RSBN1L: variants seen among roughly 807,000 people sequenced by gnomAD.
RSBN1L encodes the protein round spermatid basic protein 1 like.
Under a neutral mutation model 67.7 loss-of-function variants are expected in RSBN1L, and 30 were observed. The ratio of observed to expected loss-of-function variants is 0.44; its 90% CI spans 0.33 to 0.60. The LOEUF (loss-of-function observed/expected upper bound fraction) is 0.60. RSBN1L is among the 20% of genes least tolerant of loss of function. The probability of loss-of-function intolerance (pLI) is 0.02; values close to 1 mark genes in which losing one functional copy is unlikely to be tolerated. For missense variants in RSBN1L, 992 were observed against 1,031.7 expected (o/e 0.96, Z 0.53); for synonymous variants, 433 against 387.0 (o/e 1.12, Z -1.39).
In RSBN1L at chr7:77,701,755, A is replaced by G. The variant is rs189216918; in HGVS notation, c.586+4700A>G. Among the ~76,000 whole-genome samples, 794 of 150,804 alleles carry G rather than the reference A, an allele frequency of 5.3e-3. 5 individuals are homozygous for G. The highest frequency in any genetic ancestry group is 0.019 in the African/African-American group (763 of 41,026). Reference sequence around the variant, plus strand: ...CAGTCTCTGCCTCCTGGGTTCAAGCAATTCTCCTGCCTCAGCCTCCCAAGT... The same window carrying G: ...CAGTCTCTGCCTCCTGGGTTCAAGCGATTCTCCTGCCTCAGCCTCCCAAGT... On this transcript the variant is annotated intron_variant, in intron 1 of 7. Coordinates refer to ENST00000334955, the MANE Select transcript of RSBN1L (RefSeq NM_198467.3).
At chr7:77,703,862 T>C (rs1377408683) in intron 1 of RSBN1L, among the ~76,000 whole-genome samples, 1 of 152,092 alleles carries the variant, frequency 6.6e-6, no homozygotes, top group Non-Finnish European at 1.5e-5. Flanking sequence ...CAATCATAGC[T>C]CAATGTAACC....
chr7:77,718,769 A>C (rs1330125323), intron 1 of RSBN1L, among the ~76,000 whole-genome samples: 1 of 152,204 alleles, frequency 6.6e-6, no homozygotes. Context: ...AACAATAACC[A>C]TTTTATTATA....
chr7:77,769,140 G>A (rs1047062113), intron 5 of RSBN1L, among the ~76,000 whole-genome samples: 3 of 152,170 alleles, frequency 2.0e-5, no homozygotes, highest in African/African-American at 7.2e-5. Flanking sequence ...CAAATGGAAA[G>A]CCCTGCTGTG....
At chr7:77,709,750 A>T (rs1440627023) in intron 1 of RSBN1L, among the ~76,000 whole-genome samples, 2 of 151,256 alleles carry the variant, frequency 1.3e-5, no homozygotes, top group African/African-American at 4.9e-5. Flanking sequence ...GGCCCTTTGT[A>T]CTCTTCTTTC....
chr7:77,715,585 A>G (rs1720578360), intron 1 of RSBN1L, among the ~76,000 whole-genome samples: 1 of 152,168 alleles, frequency 6.6e-6, no homozygotes. Flanking sequence ...CTAGAATTAC[A>G]GGCACGACAC....
chr7:77,703,178 C>T (rs1790841118), intron 1 of RSBN1L, among the ~76,000 whole-genome samples: 1 of 152,134 alleles, frequency 6.6e-6, no homozygotes, highest in South Asian at 2.1e-4. Flanking sequence ...GAGGGATACC[C>T]CTCATCTTGG....
At chr7:77,711,248 C>G (rs1316091300) in intron 1 of RSBN1L, among the ~76,000 whole-genome samples, 2 of 151,660 alleles carry the variant, frequency 1.3e-5, no homozygotes, top group Non-Finnish European at 2.9e-5. Context: ...ATCAGAATTG[C>G]CATTTTGTAT....
At chr7:77,700,978 G>T (rs1276032650) in intron 1 of RSBN1L, among the ~76,000 whole-genome samples, 1 of 152,004 alleles carries the variant, frequency 6.6e-6, no homozygotes, top group Non-Finnish European at 1.5e-5. Flanking sequence ...GCAACACGGT[G>T]AAACCCCATC....
At chr7:77,771,005 A>C (rs1791841351) in intron 5 of RSBN1L, among the ~76,000 whole-genome samples, 1 of 152,070 alleles carries the variant, frequency 6.6e-6, no homozygotes, top group Non-Finnish European at 1.5e-5. Context: ...GCAGTGGTGC[A>C]ATCTCGGCTC....
At chr7:77,765,147 A>G (rs762724585) in intron 3 of RSBN1L, among the ~76,000 whole-genome samples, 8 of 152,216 alleles carry the variant, frequency 5.3e-5, no homozygotes, top group African/African-American at 1.4e-4. Context: ...ATGCAGGTAC[A>G]CCAACTTTTG....
intron 2 of RSBN1L, among the ~76,000 whole-genome samples, chr7:77,740,985 C>CTTTTTTTTTTTTT (rs869081974): frequency 9.7e-6 from 1 of 102,924 alleles, no homozygotes; most frequent in Admixed American, 9.6e-5. Context: ...CTTTTCTTTT[C>CTTTTTTTTTTTTT]TTTTTTTTTT....
intron 4 of RSBN1L, 43 bp from the exon 5 acceptor site, chr7:77,768,618 C>T: frequency 2.6e-6 from 4 of 1,560,994 alleles, no homozygotes; most frequent in South Asian, 2.2e-5. Context: ...CTTGAAGATA[C>T]ATTTTGAAAA....
In RSBN1L at chr7:77,696,591, C is replaced by A. The variant is rs200094529; in HGVS notation, c.122C>A (p.Ser41Tyr). Residue 41 changes from serine (S) to tyrosine (Y), a missense_variant, in exon 1 of 8, where the codon TCC (serine) becomes TAC (tyrosine). Physicochemically the swap from Ser to Tyr is moderately radical, Grantham distance 144. Transcript: ENST00000334955. The part of the protein sequence containing the change: ...LSSRDPPGSL[S>Y]AKKVRTEEKK... ...TCCCGGGACCCTCCGGGTTCTCTGT[C>A]CGCCAAGAAGGTCCGGACTGAGGAG... The A allele has an allele frequency of 6.2e-7, 1 of 1,614,114 alleles. No homozygotes were observed. The highest frequency in any genetic ancestry group is 8.5e-7 in the Non-Finnish European group (1 of 1,179,992).
At chr7:77,728,479 A>G (rs2150418600) in intron 1 of RSBN1L, among the ~76,000 whole-genome samples, 2 of 152,268 alleles carry the variant, frequency 1.3e-5, no homozygotes, top group South Asian at 4.1e-4. Context: ...TACATTTTAA[A>G]AAGTCACGAG....
At chr7:77,773,364 A>G (rs183296368) in intron 6 of RSBN1L, 50 bp downstream of exon 6, 34 of 1,329,552 alleles carry the variant, frequency 2.6e-5, no homozygotes, top group Non-Finnish European at 3.1e-5. Flanking sequence ...GGCTTCTACA[A>G]TTTTTCTTGG....
intron 2 of RSBN1L, among the ~76,000 whole-genome samples, chr7:77,748,427 T>A (rs1791511806): frequency 6.6e-6 from 1 of 152,234 alleles, no homozygotes; most frequent in Non-Finnish European, 1.5e-5. Context: ...AACCAGAATT[T>A]AAGCAGTAAG....
intron 1 of RSBN1L, among the ~76,000 whole-genome samples, chr7:77,718,832 T>C (rs1234531390): frequency 6.6e-6 from 1 of 152,218 alleles, no homozygotes; most frequent in East Asian, 1.9e-4. Flanking sequence ...GGTGATTTCC[T>C]CTGCTTCACG....
At chr7:77,718,822 G>C (rs759101467) in intron 1 of RSBN1L, among the ~76,000 whole-genome samples, 1 of 152,098 alleles carries the variant, frequency 6.6e-6, no homozygotes, top group Non-Finnish European at 1.5e-5. Flanking sequence ...TGATTGGCTG[G>C]GTGATTTCCT....
intron 3 of RSBN1L, among the ~76,000 whole-genome samples, chr7:77,764,695 C>T (rs926446209): frequency 6.6e-6 from 1 of 151,650 alleles, no homozygotes; most frequent in African/African-American, 2.4e-5. Flanking sequence ...GGCACAATCT[C>T]GGCTCATTGC....
Sources: gnomAD v4.1 joint callset for allele counts (sites outside exome capture counted in the v4.1 genomes callset) on GRCh38, gnomAD v4.1.1 for gene constraint, MANE v1.5 for transcripts, NCBI Gene and HGNC (gene_info 2026-07-23, HGNC 2026-07-21) for gene names.